The following PTPRK variants were observed in gnomAD, a reference collection of about 807,000 sequenced individuals.
The protein encoded by PTPRK is receptor-type tyrosine-protein phosphatase kappa.
Under a neutral mutation model 178.0 loss-of-function variants are expected in PTPRK, and 75 were observed. The observed-to-expected ratio is 0.42, with a 90% CI of 0.35 to 0.51. The LOEUF is 0.51. PTPRK is among the 20% of genes least tolerant of loss of function. PTPRK has a pLI of 0.02. For missense variants in PTPRK, 1,441 were observed against 1,797.8 expected (o/e 0.80, Z 3.59); for synonymous variants, 637 against 620.6 (o/e 1.03, Z -0.39).
chr6:128,465,711 G>T (rs1849761611), intron 1 of PTPRK, among the ~76,000 whole-genome samples: 1 of 151,998 alleles, frequency 6.6e-6, no homozygotes, highest in Admixed American at 6.6e-5. Flanking sequence ...ATTTGCTATT[G>T]AATGACAAGC....
chr6:128,204,273 C>A (rs1057345291), intron 6 of PTPRK, among the ~76,000 whole-genome samples: 1 of 151,890 alleles, frequency 6.6e-6, no homozygotes, highest in South Asian at 2.1e-4. Flanking sequence ...AAAAATTAAC[C>A]CAAGATGATT....
chr6:127,987,886 T>C (rs1025206927), intron 21 of PTPRK, among the ~76,000 whole-genome samples: 3 of 152,130 alleles, frequency 2.0e-5, no homozygotes, highest in Non-Finnish European at 2.9e-5. Flanking sequence ...CTTTATCATG[T>C]TTAGGATGCC....
intron 13 of PTPRK, among the ~76,000 whole-genome samples, chr6:128,051,809 T>A (rs931143979): frequency 1.3e-5 from 2 of 152,178 alleles, no homozygotes; most frequent in African/African-American, 4.8e-5. Flanking sequence ...TTTTTCCAAT[T>A]ACATTTATGT....
Position 128,397,498 on chromosome 6 carries a change from T to G in PTPRK, c.223+68A>C, listed in dbSNP as rs115787244. Reference sequence around the variant, plus strand: ...ACCATTAAATTATTGTTGTTACACTTTAAATAAGAAAATCATAGATACTGC... The same window carrying G: ...ACCATTAAATTATTGTTGTTACACTGTAAATAAGAAAATCATAGATACTGC... On this transcript the variant is annotated intron_variant, in intron 2 of 29. Transcript: ENST00000368226. The G allele has an allele frequency of 4.9e-4, 766 of 1,564,536 alleles. 6 individuals carry two copies. The African/African-American group carries it at 9.3e-3, about 19-fold the overall frequency.
At chr6:128,264,631 G>C (rs1445081381) in intron 3 of PTPRK, among the ~76,000 whole-genome samples, 1 of 151,988 alleles carries the variant, frequency 6.6e-6, no homozygotes, top group Non-Finnish European at 1.5e-5. Flanking sequence ...TGGGACTACA[G>C]GCATGCACCA....
intron 3 of PTPRK, among the ~76,000 whole-genome samples, chr6:128,258,304 C>G (rs750313710): frequency 1.2e-3 from 190 of 152,174 alleles, no homozygotes; most frequent in Admixed American, 4.5e-3. Flanking sequence ...TTACAACATC[C>G]ATTTGACTAT....
intron 3 of PTPRK, 43 bp downstream of exon 3, chr6:128,321,996 C>T (rs1336568342): frequency 1.2e-6 from 2 of 1,612,052 alleles, no homozygotes; most frequent in East Asian, 2.2e-5. Flanking sequence ...ATAGTGAGAA[C>T]TGATGACATC....
chr6:128,301,972 C>T (rs879922315), intron 3 of PTPRK, among the ~76,000 whole-genome samples: 23 of 152,244 alleles, frequency 1.5e-4, no homozygotes, highest in Admixed American at 7.2e-4. Flanking sequence ...AAAAATTGGC[C>T]TTCTGTTAAG....
At chr6:128,333,860 T>G (rs1020708024) in intron 2 of PTPRK, among the ~76,000 whole-genome samples, 2 of 152,216 alleles carry the variant, frequency 1.3e-5, no homozygotes, top group Non-Finnish European at 2.9e-5. Flanking sequence ...TTGATATGCC[T>G]TCCTCACTAA....
chr6:128,060,535 T>C (rs1780635307), intron 13 of PTPRK, among the ~76,000 whole-genome samples: 1 of 152,154 alleles, frequency 6.6e-6, no homozygotes, highest in Non-Finnish European at 1.5e-5. Flanking sequence ...TTCATTTGAA[T>C]AGGTCCTTCA....
At chr6:128,164,771 C>G (rs1472012105) in intron 7 of PTPRK, among the ~76,000 whole-genome samples, 2 of 150,040 alleles carry the variant, frequency 1.3e-5, no homozygotes, top group South Asian at 4.2e-4. Flanking sequence ...AGAAGAAAGG[C>G]CAGGGGAAAA....
At chr6:128,302,495 C>T (rs1825795112) in intron 3 of PTPRK, among the ~76,000 whole-genome samples, 1 of 150,462 alleles carries the variant, frequency 6.6e-6, no homozygotes, top group African/African-American at 2.4e-5. Context: ...TCAAAACATG[C>T]ATTTGGAAGA....
chr6:128,317,194 T>C (rs1393592233), intron 3 of PTPRK, among the ~76,000 whole-genome samples: 1 of 151,952 alleles, frequency 6.6e-6, no homozygotes, highest in Non-Finnish European at 1.5e-5. Flanking sequence ...AGACAAAAAA[T>C]GGGAAATAAT....
At chr6:128,338,779 G>A (rs868162557) in intron 2 of PTPRK, among the ~76,000 whole-genome samples, 2 of 152,140 alleles carry the variant, frequency 1.3e-5, no homozygotes, top group East Asian at 1.9e-4. Flanking sequence ...TGATGTCCTA[G>A]TTAAGGATGG....
chr6:128,334,940 T>C (rs1379099515), intron 2 of PTPRK, among the ~76,000 whole-genome samples: 3 of 151,910 alleles, frequency 2.0e-5, no homozygotes, highest in Non-Finnish European at 2.9e-5. Flanking sequence ...ATACAAAAAT[T>C]AGCCAGGCGT....
intron 15 of PTPRK, among the ~76,000 whole-genome samples, chr6:128,003,418 G>A (rs980986925): frequency 1.3e-5 from 2 of 151,484 alleles, no homozygotes; most frequent in Non-Finnish European, 2.9e-5. Flanking sequence ...CAAGAGAGGT[G>A]TATCTATAAT....
intron 6 of PTPRK, among the ~76,000 whole-genome samples, chr6:128,205,254 C>T (rs1329099055): frequency 6.6e-6 from 1 of 151,946 alleles, no homozygotes; most frequent in Non-Finnish European, 1.5e-5. Flanking sequence ...CACACTGGGG[C>T]CTGTTGGATG....
intron 3 of PTPRK, among the ~76,000 whole-genome samples, chr6:128,277,095 TG>T (rs1820835224): frequency 6.6e-6 from 1 of 151,596 alleles, no homozygotes; most frequent in Admixed American, 6.6e-5. Context: ...CCTTATAGCT[TG>T]GCACAACAGT....
chr6:128,017,331 GT>G (rs1304407329), intron 13 of PTPRK, among the ~76,000 whole-genome samples: 1 of 151,944 alleles, frequency 6.6e-6, no homozygotes, highest in South Asian at 2.1e-4. Flanking sequence ...AATACCTGCA[GT>G]TTTTTTGAGG....
Sources: gnomAD v4.1 joint callset for allele counts (sites outside exome capture counted in the v4.1 genomes callset) on GRCh38, gnomAD v4.1.1 for gene constraint, MANE v1.5 for transcripts, NCBI Gene and HGNC (gene_info 2026-07-23, HGNC 2026-07-21) for gene names.